Variants in NPSR1 observed in about 807,000 individuals in gnomAD.
NPSR1 encodes the protein neuropeptide S receptor 1.
NPSR1 carries 48 observed loss-of-function variants against 46.9 expected under a neutral mutation model. That is an observed-to-expected ratio of 1.02 (90% CI 0.81 to 1.30). The LOEUF (loss-of-function observed/expected upper bound fraction) is 1.30. Ranked by LOEUF, NPSR1 falls within the 50% of genes most tolerant of loss-of-function variation. The probability of loss-of-function intolerance (pLI) is 0.00; values close to 1 mark genes in which losing one functional copy is unlikely to be tolerated. For missense variants in NPSR1, 450 were observed against 449.5 expected, an observed-to-expected ratio of 1.00 and a Z score of -0.01; for synonymous variants, 176 against 168.1, an observed-to-expected ratio of 1.05 and a Z score of -0.36.
At chr7:34,668,800 C>T (rs982958266) in intron 1 of NPSR1, among the ~76,000 whole-genome samples, 7 of 152,152 alleles carry the variant, frequency 4.6e-5, no homozygotes, top group Non-Finnish European at 8.8e-5. Flanking sequence ...CTCTCATAAG[C>T]TTCTGCCCAG....
intron 6 of NPSR1, among the ~76,000 whole-genome samples, chr7:34,840,219 G>T (rs1477240401): frequency 6.6e-6 from 1 of 152,152 alleles, no homozygotes; most frequent in Non-Finnish European, 1.5e-5. Flanking sequence ...GGGAGAGAGG[G>T]AGCACCTCAG....
intron 2 of NPSR1, among the ~76,000 whole-genome samples, chr7:34,765,768 G>A (rs1786398763): frequency 6.6e-6 from 1 of 152,210 alleles, no homozygotes; most frequent in South Asian, 2.1e-4. Context: ...GATGCATCTG[G>A]AGGCCATTAT....
intron 3 of NPSR1, among the ~76,000 whole-genome samples, chr7:34,803,808 G>C (rs1274737352): frequency 6.8e-6 from 1 of 148,116 alleles, no homozygotes; most frequent in Non-Finnish European, 1.5e-5. Flanking sequence ...AGAAATGAAA[G>C]AGGGGTCATC....
intron 2 of NPSR1, among the ~76,000 whole-genome samples, chr7:34,706,864 C>T (rs1794139087): frequency 6.6e-6 from 1 of 152,078 alleles, no homozygotes; most frequent in Admixed American, 6.6e-5. Context: ...TTTTAATTGG[C>T]TAACATCTGA....
chr7:34,877,500 G>A (rs1791604684), intron 8 of NPSR1, among the ~76,000 whole-genome samples: 2 of 152,216 alleles, frequency 1.3e-5, no homozygotes, highest in Non-Finnish European at 1.5e-5. Context: ...GGAGGTCAAG[G>A]TCAGAGGCAC....
chr7:34,797,627 G>A (rs967483233), intron 3 of NPSR1, among the ~76,000 whole-genome samples: 17 of 152,090 alleles, frequency 1.1e-4, no homozygotes, highest in Non-Finnish European at 2.4e-4. Flanking sequence ...AATAAAAGAT[G>A]AAAAATTTTC....
chr7:34,686,092 C>A (rs1020606178), intron 2 of NPSR1: 2 of 152,274 alleles, frequency 1.3e-5, no homozygotes, highest in Non-Finnish European at 2.9e-5. Context: ...TTAGAGGTGG[C>A]AAGAATATCA....
At chr7:34,723,147 C>T (rs1783951279) in intron 2 of NPSR1, 1 of 152,578 alleles carries the variant, frequency 6.6e-6, no homozygotes, top group African/African-American at 2.4e-5. Flanking sequence ...CAGTTCTAGG[C>T]TGCTTGGCAG....
chr7:34,661,772 C>T (rs1043650799), intron 1 of NPSR1, among the ~76,000 whole-genome samples: 1 of 152,146 alleles, frequency 6.6e-6, no homozygotes, highest in Non-Finnish European at 1.5e-5. Flanking sequence ...ACCCTGGCTC[C>T]CTTCACAGTT....
At chr7:34,788,215 C>T (rs1440599834) in intron 3 of NPSR1, among the ~76,000 whole-genome samples, 1 of 151,906 alleles carries the variant, frequency 6.6e-6, no homozygotes, top group East Asian at 1.9e-4. Flanking sequence ...CGTTATAAGA[C>T]ATTCCTTTGT....
rs761033718 is a variant in NPSR1, at chr7:34,849,594, C to T, written c.1055C>T (p.Thr352Met). ...REQRSQDSRMTFRERTERHEM... is the reference protein window; with the variant it reads ...REQRSQDSRMMFRERTERHEM... The stretch of plus-strand genomic sequence containing the variant: ...CAAAGATCACAGGATTCCAGAATGA[C>T]GTTCCGGGAGAGAACTGAGAGGCAT... Residue 352 changes from threonine to methionine, a missense_variant, in exon 9 of 9, where the codon ACG becomes ATG. Physicochemically the swap from Thr to Met is moderately conservative, Grantham distance 81. Coordinates refer to ENST00000360581, the MANE Select transcript of NPSR1 (RefSeq NM_207172.2). 17 of 1,614,150 alleles carry T rather than the reference C, an allele frequency of 1.1e-5. No homozygotes were observed. Among genetic ancestry groups the T allele is most frequent in the East Asian group, 2.2e-5 (1 of 44,870 alleles).
chr7:34,853,416 A>G (rs1302438913), downstream of NPSR1, among the ~76,000 whole-genome samples: 1 of 152,216 alleles, frequency 6.6e-6, no homozygotes, highest in Admixed American at 6.5e-5. Context: ...ATTTAATTGA[A>G]GGGAGAAGGC....
At chr7:34,727,149 C>T (rs1416225501) in intron 2 of NPSR1, among the ~76,000 whole-genome samples, 1 of 151,426 alleles carries the variant, frequency 6.6e-6, no homozygotes, top group African/African-American at 2.4e-5. Flanking sequence ...TGCACTTACT[C>T]GATTTTGCCA....
intron 2 of NPSR1, among the ~76,000 whole-genome samples, chr7:34,767,976 T>C (rs1489777905): frequency 1.3e-5 from 2 of 152,202 alleles, no homozygotes; most frequent in Middle Eastern, 3.4e-3. Flanking sequence ...TAGTTAACAA[T>C]AATATATGGT....
chr7:34,842,045 T>C (rs768894559), intron 6 of NPSR1, among the ~76,000 whole-genome samples: 2 of 152,272 alleles, frequency 1.3e-5, no homozygotes, highest in Admixed American at 1.3e-4. Flanking sequence ...TTCATAAAGA[T>C]GGCTCACCTT....
chr7:34,814,200 T>C (rs185368109), intron 4 of NPSR1, among the ~76,000 whole-genome samples: 27 of 152,336 alleles, frequency 1.8e-4, no homozygotes, highest in Admixed American at 7.8e-4. Flanking sequence ...TCCTGCCAAA[T>C]ACTGCACTTT....
intron 3 of NPSR1, among the ~76,000 whole-genome samples, chr7:34,790,243 C>T (rs114444502): frequency 0.011 from 1,663 of 152,094 alleles, 31 homozygotes; most frequent in African/African-American, 0.035. Context: ...ATGTGACATG[C>T]CACATTAACA....
chr7:34,715,193 G>A lies in NPSR1; in HGVS notation c.280+30509G>A, dbSNP rs144337458. ...TCATAATTTAGGTTGCTTGAAAGGC[G>A]GAGCAAGAAAAGTTACCTAGTTTAG... is the stretch of plus-strand genomic sequence containing the variant. On this transcript the variant is annotated intron_variant, in intron 2 of 8. Transcript: ENST00000360581. 1.4e-4 allele frequency among the ~76,000 whole-genome samples: 21 copies of A among 152,268 alleles called. No homozygotes were observed. The East Asian group carries it at 2.7e-3, about 20-fold the overall frequency.
intron 1 of NPSR1, among the ~76,000 whole-genome samples, chr7:34,683,308 G>A (rs562528936): frequency 1.4e-4 from 22 of 152,032 alleles, no homozygotes; most frequent in African/African-American, 4.1e-4. Context: ...TTCGCCGGGC[G>A]TGGTGGTGGG....
Sources: gnomAD v4.1 joint callset for allele counts (sites outside exome capture counted in the v4.1 genomes callset) on GRCh38, gnomAD v4.1.1 for gene constraint, MANE v1.5 for transcripts, NCBI Gene and HGNC (gene_info 2026-07-23, HGNC 2026-07-21) for gene names.